Variants in ABL1 observed in about 807,000 individuals in gnomAD.
ABL1 encodes ABL proto-oncogene 1, non-receptor tyrosine kinase.
In ABL1, 11 loss-of-function variants were observed where a neutral mutation model predicts 94.7. The ratio of observed to expected loss-of-function variants is 0.12; its 90% CI spans 0.07 to 0.19. The LOEUF (loss-of-function observed/expected upper bound fraction) is 0.19, where lower values mean the gene tolerates loss of function less well. ABL1 is among the 10% of genes least tolerant of loss of function. ABL1 has a pLI of 1.00. For synonymous variants in ABL1, 656 were observed against 622.4 expected (o/e 1.05, Z -0.80); for missense variants, 1,082 against 1,489.4 (o/e 0.73, Z 4.50).
At chr9:130,871,303 G>C (rs1831248616) in intron 4 of ABL1, among the ~76,000 whole-genome samples, 1 of 152,236 alleles carries the variant, frequency 6.6e-6, no homozygotes, top group Non-Finnish European at 1.5e-5. Context: ...GTGTCATGGG[G>C]CTCTCCCCAG....
Position 130,885,720 on chromosome 9 carries a change from T to A in ABL1, c.*37T>A. 6.3e-7 allele frequency: 1 copy of A among 1,581,936 alleles called. No individual in the cohort carries two copies. Among genetic ancestry groups the A allele is most frequent in the Non-Finnish European group, 8.6e-7 (1 of 1,163,566 alleles). ...GGTCAGGTGTCAGGCCCGTCGGAGC[T>A]GCCTGCAGCACATGCGGGCTCGCCC... is the stretch of plus-strand genomic sequence containing the variant. On this transcript the variant is annotated 3_prime_UTR_variant, in exon 11 of 11. Transcript: ENST00000318560.
chr9:130,742,526 A>G (rs116122190), intron 1 of ABL1, among the ~76,000 whole-genome samples: 2 of 152,176 alleles, frequency 1.3e-5, no homozygotes, highest in Non-Finnish European at 2.9e-5. Flanking sequence ...TGTTGCTGCC[A>G]TTGAGGGCTT....
intron 7 of ABL1, among the ~76,000 whole-genome samples, chr9:130,877,581 GCCCT>G: frequency 6.8e-6 from 1 of 147,098 alleles, no homozygotes; most frequent in South Asian, 2.1e-4. Flanking sequence ...CTCATCATCT[GCCCT>G]CCTCTAGCAT....
chr9:130,759,442 A>G (rs1341053273), intron 1 of ABL1, among the ~76,000 whole-genome samples: 1 of 152,208 alleles, frequency 6.6e-6, no homozygotes, highest in Non-Finnish European at 1.5e-5. Flanking sequence ...AGTGCTTTAC[A>G]ATCCATTTTG....
At chr9:130,767,256 T>C (rs1251204804) in intron 1 of ABL1, among the ~76,000 whole-genome samples, 2 of 152,250 alleles carry the variant, frequency 1.3e-5, no homozygotes, top group Non-Finnish European at 2.9e-5. Flanking sequence ...TAGATCTGTT[T>C]GGAATTCCAG....
chr9:130,800,152 G>A (rs185888728), intron 1 of ABL1, among the ~76,000 whole-genome samples: 5 of 152,164 alleles, frequency 3.3e-5, no homozygotes, highest in East Asian at 3.9e-4. Context: ...GATTACAGAC[G>A]TGAGCCACCG....
At chr9:130,761,694 T>G (rs981755581) in intron 1 of ABL1, among the ~76,000 whole-genome samples, 1 of 152,260 alleles carries the variant, frequency 6.6e-6, no homozygotes, top group African/African-American at 2.4e-5. Context: ...TTCTCTGAAG[T>G]AATTTGAATC....
rs3808819 is a variant in ABL1, at chr9:130,861,583, A to G, written c.550-1180A>G. On this transcript the variant is annotated intron_variant, in intron 3 of 10. Transcript: ENST00000318560. ...TTTCTTTTTTTTTAAGTAATAAGAT[A>G]TTACAGTTATAGCTGAAGCCTGATC... 3.0e-3 allele frequency among the ~76,000 whole-genome samples: 460 copies of G among 152,180 alleles called. 10 individuals are homozygous for G. The highest frequency in any genetic ancestry group is 0.018 in the Admixed American group (276 of 15,282).
rs773475680 is a variant in ABL1 at position 130,884,139 on chromosome 9, C to T, written c.1849C>T (p.Arg617Cys). ...GAAGACAGCCCCAACCCCTCCCAAACGCAGCAGCTCCTTCCGGGAGATGGA... is the reference window on the plus strand; with the variant it reads ...GAAGACAGCCCCAACCCCTCCCAAATGCAGCAGCTCCTTCCGGGAGATGGA... Reference protein sequence around the residue: ...KKKTAPTPPKRSSSFREMDGQ... With the variant: ...KKKTAPTPPKCSSSFREMDGQ... Residue 617 changes from arginine (R) to cysteine (C), a missense_variant, in exon 11 of 11, where the codon CGC (arginine) becomes TGC (cysteine). This residue lies in a region of ABL1 where 780 missense variants were observed against 835.8 expected (regional missense o/e 0.93). Transcript: ENST00000318560. The surrounding 1 kb of genome is among the most constrained non-coding windows in gnomAD (Gnocchi z 5.6). The T allele has an allele frequency of 5.0e-6, 8 of 1,613,602 alleles. No individual in the cohort carries two copies. The highest frequency in any genetic ancestry group is 2.2e-5 in the East Asian group (1 of 44,884).
chr9:130,863,014 G>A lies in ABL1; in HGVS notation c.801G>A (p.Thr267=), dbSNP rs753716371. Residue 267 remains threonine, a synonymous_variant, in exon 4 of 11, where the codon ACG becomes ACA. Transcript: ENST00000318560. The surrounding 1 kb of genome is among the most constrained non-coding windows in gnomAD (Gnocchi z 4.3). ...GCGTGTGGAAGAAATACAGCCTGACGGTGGCCGTGAAGACCTTGAAGGTAG... is the reference window on the plus strand; with the variant it reads ...GCGTGTGGAAGAAATACAGCCTGACAGTGGCCGTGAAGACCTTGAAGGTAG... ...YEGVWKKYSL[T]VAVKTLKEDT... is the part of the protein sequence containing the mutation. The A allele has an allele frequency of 2.8e-5, 45 of 1,608,488 alleles. No homozygotes were observed. The highest frequency in any genetic ancestry group is 2.0e-4 in the South Asian group (18 of 90,582).
chr9:130,788,986 T>C (rs1210861043), intron 1 of ABL1, among the ~76,000 whole-genome samples: 1 of 152,228 alleles, frequency 6.6e-6, no homozygotes, highest in Non-Finnish European at 1.5e-5. Context: ...CTTTTCGGTT[T>C]TTGTTTTTTC....
chr9:130,770,039 G>A (rs900822929), intron 1 of ABL1, among the ~76,000 whole-genome samples: 1 of 152,108 alleles, frequency 6.6e-6, no homozygotes, highest in African/African-American at 2.4e-5. Flanking sequence ...TTGTGTCTCT[G>A]AGTAGTATTC....
At chr9:130,735,624 G>A (rs1831725169) in intron 1 of ABL1, among the ~76,000 whole-genome samples, 2 of 151,460 alleles carry the variant, frequency 1.3e-5, no homozygotes, top group South Asian at 4.2e-4. Context: ...CCCCATATTG[G>A]AATATGTATA....
At chr9:130,837,877 A>G (rs1830612870) in intron 1 of ABL1, among the ~76,000 whole-genome samples, 1 of 152,200 alleles carries the variant, frequency 6.6e-6, no homozygotes, top group Non-Finnish European at 1.5e-5. Context: ...ACGCCCACTC[A>G]GGGTCCCAGG....
Position 130,878,313 on chromosome 9 carries a change from G to GC in ABL1, c.1271-100dup. On this transcript the variant is annotated intron_variant, in intron 7 of 10. Transcript: ENST00000318560. ...TGTCAGAGCCTGGGCTGCTGCTGGG[G>GC]CCATCCCTTCTGAGGTCTGCTGCAA... 4 of 1,370,954 alleles carry GC rather than the reference G, an allele frequency of 2.9e-6. No individual in the cohort carries two copies. The South Asian group carries it at 5.2e-5, about 18-fold the overall frequency. 84.9% of individuals were successfully genotyped at this position (1,370,954 alleles called of 1,614,324 possible).
chr9:130,861,353 CAAAA>C (rs930055916), intron 3 of ABL1, among the ~76,000 whole-genome samples: 2 of 152,198 alleles, frequency 1.3e-5, no homozygotes, highest in African/African-American at 4.8e-5. Flanking sequence ...CCAAGCAAAA[CAAAA>C]GAAAGAGAAA....
At chr9:130,805,841 A>G (rs764108007) in intron 1 of ABL1, among the ~76,000 whole-genome samples, 2 of 152,322 alleles carry the variant, frequency 1.3e-5, no homozygotes, top group East Asian at 1.9e-4. Flanking sequence ...AAACAAAGTT[A>G]CTGACCTGTC....
intron 1 of ABL1, among the ~76,000 whole-genome samples, chr9:130,716,024 A>G (rs1377917642): frequency 1.4e-5 from 2 of 138,118 alleles, no homozygotes; most frequent in African/African-American, 5.5e-5. Context: ...AAATATATAT[A>G]TACACACACA....
chr9:130,739,403 A>G (rs1831787603), intron 1 of ABL1, among the ~76,000 whole-genome samples: 1 of 151,770 alleles, frequency 6.6e-6, no homozygotes, highest in South Asian at 2.1e-4. Flanking sequence ...TTTAATTGAG[A>G]TATGGTTACA....
Sources: gnomAD v4.1 joint callset for allele counts (sites outside exome capture counted in the v4.1 genomes callset) on GRCh38, gnomAD v4.1.1 for gene constraint, gnomAD v4.1.1 regional missense constraint, Gnocchi (gnomAD v3.1) non-coding constraint, MANE v1.5 for transcripts, NCBI Gene and HGNC (gene_info 2026-07-23, HGNC 2026-07-21) for gene names.